Variants in DIAPH3 observed in about 807,000 individuals in gnomAD.
DIAPH3 encodes diaphanous related formin 3, also known as protein diaphanous homolog 3.
In DIAPH3, 117 loss-of-function variants were observed where a neutral mutation model predicts 144.3. The observed-to-expected ratio is 0.81, with a 90% CI of 0.70 to 0.95. DIAPH3 has a LOEUF of 0.95. Ranked by LOEUF, DIAPH3 falls within the 40% of genes least tolerant of loss-of-function variation. The probability of loss-of-function intolerance (pLI) is 0.00; values close to 1 mark genes in which losing one functional copy is unlikely to be tolerated. For missense variants in DIAPH3, 1,421 were observed against 1,412.7 expected (o/e 1.01, Z -0.09); for synonymous variants, 519 against 488.9 (o/e 1.06, Z -0.81).
chr13:59,897,401 C>T (rs1425297648), intron 20 of DIAPH3, among the ~76,000 whole-genome samples: 2 of 152,088 alleles, frequency 1.3e-5, no homozygotes, highest in Admixed American at 6.5e-5. Context: ...GCTAAAGAAT[C>T]GTAGAATAGT....
intron 27 of DIAPH3, among the ~76,000 whole-genome samples, chr13:59,763,335 T>TAC (rs143659060): frequency 6.6e-6 from 1 of 151,910 alleles, no homozygotes; most frequent in African/African-American, 2.4e-5. Context: ...TATATGTGTG[T>TAC]ACACACACAC....
intron 24 of DIAPH3, among the ~76,000 whole-genome samples, chr13:59,816,668 A>C (rs1290532821): frequency 6.6e-6 from 1 of 151,624 alleles, no homozygotes; most frequent in African/African-American, 2.4e-5. Flanking sequence ...ATCCTTTTTA[A>C]ATTTCTGAAG....
At chr13:60,055,772 G>T (rs1303060866) in intron 4 of DIAPH3, among the ~76,000 whole-genome samples, 1 of 151,822 alleles carries the variant, frequency 6.6e-6, no homozygotes, top group Non-Finnish European at 1.5e-5. Context: ...TGTGCAAAAA[G>T]ACACAGGAAG....
intron 27 of DIAPH3, among the ~76,000 whole-genome samples, chr13:59,692,203 A>C (rs1593590204): frequency 2.0e-5 from 1 of 50,852 alleles, no homozygotes; most frequent in African/African-American, 7.7e-5. Flanking sequence ...TAGCTTAGCT[A>C]TTTTTCTGAG....
At chr13:59,811,353 TA>T (rs2040461505) in intron 24 of DIAPH3, among the ~76,000 whole-genome samples, 1 of 152,112 alleles carries the variant, frequency 6.6e-6, no homozygotes, top group South Asian at 2.1e-4. Context: ...AAAGACATAA[TA>T]AAAGAAGTGA....
chr13:59,853,270 GTTA>G (rs1433462261), intron 22 of DIAPH3, among the ~76,000 whole-genome samples: 1 of 152,064 alleles, frequency 6.6e-6, no homozygotes, highest in Non-Finnish European at 1.5e-5. Context: ...ACTTATTACA[GTTA>G]TTGCTGTTAT....
Position 59,699,397 on chromosome 13 carries a change from C to T in DIAPH3, c.3320-32551G>A, listed in dbSNP as rs550039312. Among the ~76,000 whole-genome samples, 18 of 152,260 alleles carry T rather than the reference C, an allele frequency of 1.2e-4. No homozygotes were observed. The East Asian group carries it at 3.3e-3, about 28-fold the overall frequency. ...ACAGCTGAAGGGGAGTGAGCCAGGG[C>T]TGGAGTAGCAGAAATGAGGTCAGAG... is the stretch of plus-strand genomic sequence containing the variant. On this transcript the variant is annotated intron_variant, in intron 27 of 27. Transcript: ENST00000400324.
intron 5 of DIAPH3, among the ~76,000 whole-genome samples, chr13:60,019,555 G>A (rs2053868297): frequency 6.6e-6 from 1 of 151,502 alleles, no homozygotes; most frequent in Admixed American, 6.6e-5. Flanking sequence ...CCTAGTAGGG[G>A]TCTCAATATA....
intron 27 of DIAPH3, among the ~76,000 whole-genome samples, chr13:59,736,552 T>C (rs1200887075): frequency 6.6e-6 from 1 of 152,190 alleles, no homozygotes; most frequent in Non-Finnish European, 1.5e-5. Flanking sequence ...GTATGTCTTC[T>C]TTTGAGAAGT....
intron 25 of DIAPH3, among the ~76,000 whole-genome samples, chr13:59,807,651 G>C (rs1405264543): frequency 1.3e-5 from 2 of 151,970 alleles, no homozygotes; most frequent in East Asian, 3.9e-4. Context: ...TTACAGGTTT[G>C]GAAAGTCCTA....
intron 4 of DIAPH3, among the ~76,000 whole-genome samples, chr13:60,071,648 C>G (rs2057211460): frequency 6.6e-6 from 1 of 152,144 alleles, no homozygotes; most frequent in South Asian, 2.1e-4. Context: ...CTGCTCCACT[C>G]TGAACACATA....
rs73203989 is a variant in DIAPH3 at position 60,160,947 on chromosome 13, T to C, written c.180+2640A>G. Among the ~76,000 whole-genome samples the C allele has an allele frequency of 8.1e-3, 1,236 of 152,318 alleles. 13 individuals are homozygous for C. The highest frequency in any genetic ancestry group is 0.013 in the Non-Finnish European group (885 of 68,028). On this transcript the variant is annotated intron_variant, in intron 1 of 27. Coordinates refer to ENST00000400324, the MANE Select transcript of DIAPH3 (RefSeq NM_001042517.2). Reference sequence around the variant, plus strand: ...ACAAGTGACTTGAAGCCCGCAACTATACATTTGGTAGAAAACAAGAATTTG... The same window carrying C: ...ACAAGTGACTTGAAGCCCGCAACTACACATTTGGTAGAAAACAAGAATTTG...
chr13:59,666,520 G>A lies in DIAPH3; in HGVS notation c.*64C>T. On this transcript the variant is annotated 3_prime_UTR_variant, in exon 28 of 28. Transcript: ENST00000400324. ...ACTTACATAAAAGCAATTTTTTCAA[G>A]TGTTATAGTTTAGAGCATGGCTTTA... 6.3e-7 allele frequency: 1 copy of A among 1,587,442 alleles called. No homozygotes were observed. Among genetic ancestry groups the A allele is most frequent in the African/African-American group, 1.4e-5 (1 of 73,544 alleles).
chr13:60,030,197 G>A (rs376533526), intron 5 of DIAPH3, among the ~76,000 whole-genome samples: 2 of 151,976 alleles, frequency 1.3e-5, no homozygotes, highest in African/African-American at 4.8e-5. Flanking sequence ...TTGTGTTCTA[G>A]GTTTCTCTCT....
chr13:59,906,287 AAT>A (rs1335631438), intron 20 of DIAPH3, among the ~76,000 whole-genome samples: 1 of 152,236 alleles, frequency 6.6e-6, no homozygotes, highest in Non-Finnish European at 1.5e-5. Flanking sequence ...ACATATTCAA[AAT>A]ATATGACACA....
chr13:59,758,401 T>C (rs2037396564), intron 27 of DIAPH3, among the ~76,000 whole-genome samples: 1 of 152,194 alleles, frequency 6.6e-6, no homozygotes, highest in South Asian at 2.1e-4. Flanking sequence ...TACAACAACA[T>C]GGATACAAAG....
intron 5 of DIAPH3, among the ~76,000 whole-genome samples, chr13:60,031,169 A>G (rs2054761807): frequency 6.6e-6 from 1 of 152,152 alleles, no homozygotes; most frequent in African/African-American, 2.4e-5. Flanking sequence ...TCATGGCAGA[A>G]GGTGAAGGGG....
At chr13:59,682,893 T>C (rs922267127) in intron 27 of DIAPH3, among the ~76,000 whole-genome samples, 6 of 152,214 alleles carry the variant, frequency 3.9e-5, no homozygotes, top group African/African-American at 1.4e-4. Flanking sequence ...GTGATGACCA[T>C]AAACTATTCA....
At chr13:59,771,828 G>C (rs2038137027) in intron 27 of DIAPH3, among the ~76,000 whole-genome samples, 1 of 151,830 alleles carries the variant, frequency 6.6e-6, no homozygotes, top group South Asian at 2.1e-4. Flanking sequence ...AGGTTAAATG[G>C]GTAATATGCA....
Sources: allele counts gnomAD v4.1 joint callset (sites outside exome capture counted in the v4.1 genomes callset), GRCh38; gene constraint gnomAD v4.1.1; transcripts MANE v1.5; gene names NCBI Gene and HGNC (gene_info 2026-07-23, HGNC 2026-07-21).